The following ZHX2 variants were observed in gnomAD, a reference collection of about 807,000 sequenced individuals.
The protein encoded by ZHX2 is zinc fingers and homeoboxes protein 2.
A neutral mutation model predicts 21.9 loss-of-function variants in ZHX2; 6 were observed. The ratio of observed to expected loss-of-function variants is 0.27; its 90% CI spans 0.15 to 0.54. ZHX2 has a LOEUF of 0.54. Ranked by LOEUF, ZHX2 falls within the 20% of genes least tolerant of loss-of-function variation. ZHX2 has a pLI of 0.95. For missense variants in ZHX2, 908 were observed against 1,090.7 expected (o/e 0.83, Z 2.36); for synonymous variants, 434 against 437.1 (o/e 0.99, Z 0.09).
In ZHX2 at chr8:122,812,207, G is replaced by A. The variant is rs148375674; in HGVS notation, c.-283+30261G>A. On this transcript the variant is annotated intron_variant, in intron 1 of 3. Transcript: ENST00000314393. ...CGTGCCTGAGGGGTGTGAGAAAAGC[G>A]AGGAGTCCGATGTGTGCAGCAGAAA... Among the ~76,000 whole-genome samples, 38 of 152,290 alleles carry A rather than the reference G, an allele frequency of 2.5e-4. 1 individual carries two copies. The East Asian group carries it at 5.6e-3, about 22-fold the overall frequency.
chr8:122,788,888 T>A (rs2130526384), intron 1 of ZHX2, among the ~76,000 whole-genome samples: 1 of 152,278 alleles, frequency 6.6e-6, no homozygotes, highest in African/African-American at 2.4e-5. Flanking sequence ...AGGAGAGAAT[T>A]ACAAATCCGC....
chr8:122,968,426 T>C (rs951329415), intron 3 of ZHX2, among the ~76,000 whole-genome samples: 19 of 152,186 alleles, frequency 1.2e-4, no homozygotes, highest in African/African-American at 2.4e-5. Flanking sequence ...GTTTTTGTCA[T>C]CCACTGGGAA....
rs191497536 is a variant in ZHX2 at position 122,865,602 on chromosome 8, G to T, written c.-220+2063G>T. 2.0e-5 allele frequency among the ~76,000 whole-genome samples: 3 copies of T among 152,284 alleles called. No individual in the cohort carries two copies. The East Asian group carries it at 5.8e-4, about 29-fold the overall frequency. ...AGAGCATGGTCCCTGGAGTCAGAAT[G>T]CCGGATTCCCATCCCAGCCCTTCCA... On this transcript the variant is annotated intron_variant, in intron 2 of 3. Transcript: ENST00000314393.
intron 2 of ZHX2, among the ~76,000 whole-genome samples, chr8:122,887,529 C>T (rs1200901962): frequency 1.3e-5 from 2 of 151,860 alleles, no homozygotes; most frequent in Non-Finnish European, 2.9e-5. Context: ...AAAAAAGAAA[C>T]ATCAAAAATG....
intron 1 of ZHX2, among the ~76,000 whole-genome samples, chr8:122,859,773 C>A (rs1819117736): frequency 6.6e-6 from 1 of 152,072 alleles, no homozygotes; most frequent in African/African-American, 2.4e-5. Flanking sequence ...TTGTCTTTCC[C>A]CTTTTTTATG....
chr8:122,849,341 C>T (rs1269736652), intron 1 of ZHX2, among the ~76,000 whole-genome samples: 5 of 152,190 alleles, frequency 3.3e-5, no homozygotes, highest in Non-Finnish European at 7.3e-5. Context: ...AGTTGCTTAC[C>T]TCTCTATGCC....
chr8:122,905,963 G>C (rs1320851943), intron 2 of ZHX2, among the ~76,000 whole-genome samples: 2 of 152,170 alleles, frequency 1.3e-5, no homozygotes, highest in Non-Finnish European at 2.9e-5. Flanking sequence ...GCTTCTCTTA[G>C]ATAGTTTTAT....
At chr8:122,904,738 A>T (rs1563775560) in intron 2 of ZHX2, among the ~76,000 whole-genome samples, 1 of 152,198 alleles carries the variant, frequency 6.6e-6, no homozygotes. Context: ...TAAGATCCAA[A>T]ATCTTATAAC....
intron 2 of ZHX2, among the ~76,000 whole-genome samples, chr8:122,931,716 C>T (rs1820999113): frequency 6.6e-6 from 1 of 152,192 alleles, no homozygotes; most frequent in Admixed American, 6.5e-5. Context: ...CAATACCTGG[C>T]CCTACCCCAA....
chr8:122,972,212 C>G (rs1813742152), intron 3 of ZHX2, among the ~76,000 whole-genome samples: 1 of 152,188 alleles, frequency 6.6e-6, no homozygotes, highest in African/African-American at 2.4e-5. Context: ...GCCTCATTCT[C>G]ACTTGATTTA....
intron 2 of ZHX2, among the ~76,000 whole-genome samples, chr8:122,914,776 T>G (rs1350644981): frequency 6.6e-6 from 1 of 152,236 alleles, no homozygotes; most frequent in Non-Finnish European, 1.5e-5. Context: ...TTCATCTCCT[T>G]CTTGGACTTT....
intron 2 of ZHX2, among the ~76,000 whole-genome samples, chr8:122,950,266 C>A (rs1020493776): frequency 2.7e-4 from 41 of 152,150 alleles, no homozygotes; most frequent in African/African-American, 9.4e-4. Context: ...AGTTTATGTC[C>A]TTTGCAGGGA....
chr8:122,969,415 C>G (rs7831188), intron 3 of ZHX2, among the ~76,000 whole-genome samples: 1 of 151,774 alleles, frequency 6.6e-6, no homozygotes, highest in East Asian at 1.9e-4. Context: ...ACTGCCCCCC[C>G]CAAAAATAGA....
At chr8:122,938,345 C>T (rs979885441) in intron 2 of ZHX2, among the ~76,000 whole-genome samples, 1 of 152,070 alleles carries the variant, frequency 6.6e-6, no homozygotes, top group Admixed American at 6.6e-5. Context: ...GTCTTCTTGC[C>T]AGCCACCTGC....
At position 122,851,212 on chromosome 8, in the gene ZHX2, AAGTGT is replaced by A. The variant is rs1373787805; in HGVS notation, c.-282-12264_-282-12260del. ...ACGGCCAAGATTTATGGATAAAATG[AAGTGT>A]GAGAGAAAAAGAAGAAAGGTGGATA... On this transcript the variant is annotated intron_variant, in intron 1 of 3. Transcript: ENST00000314393. 1.1e-3 allele frequency among the ~76,000 whole-genome samples: 171 copies of A among 152,330 alleles called. 3 individuals are homozygous for A. The South Asian group carries it at 0.035, about 31-fold the overall frequency.
At chr8:122,837,781 A>C (rs12550039) in intron 1 of ZHX2, among the ~76,000 whole-genome samples, 4 of 151,994 alleles carry the variant, frequency 2.6e-5, no homozygotes, top group African/African-American at 7.2e-5. Context: ...TTGCCAACAG[A>C]TAATGTCTCC....
chr8:122,844,735 C>CTG (rs996245107), intron 1 of ZHX2, among the ~76,000 whole-genome samples: 17 of 152,290 alleles, frequency 1.1e-4, no homozygotes, highest in African/African-American at 3.9e-4. Flanking sequence ...CTCTCTCTCT[C>CTG]TGTGTCTGTC....
At chr8:122,791,544 TATCTG>T (rs767081628) in intron 1 of ZHX2, among the ~76,000 whole-genome samples, 40 of 152,138 alleles carry the variant, frequency 2.6e-4, no homozygotes, top group Middle Eastern at 3.2e-3. Flanking sequence ...AACAGATACT[TATCTG>T]ATCATAATAA....
chr8:122,929,073 T>C (rs1820921464), intron 2 of ZHX2, among the ~76,000 whole-genome samples: 1 of 152,268 alleles, frequency 6.6e-6, no homozygotes, highest in African/African-American at 2.4e-5. Context: ...GTTTCTATTA[T>C]TTCCATGATA....
Sources: allele counts gnomAD v4.1 joint callset (sites outside exome capture counted in the v4.1 genomes callset), GRCh38; gene constraint gnomAD v4.1.1; transcripts MANE v1.5; gene names NCBI Gene and HGNC (gene_info 2026-07-23, HGNC 2026-07-21).